SLC16A12: variants seen among roughly 807,000 people sequenced by gnomAD.
SLC16A12 encodes monocarboxylate transporter 12.
Under a neutral mutation model 42.4 loss-of-function variants are expected in SLC16A12, and 17 were observed. The observed-to-expected ratio is 0.40, with a 90% CI of 0.27 to 0.60. The LOEUF is 0.60. SLC16A12 is among the 20% of genes least tolerant of loss of function. The probability of loss-of-function intolerance (pLI) is 0.42; values close to 1 mark genes in which losing one functional copy is unlikely to be tolerated. For missense variants in SLC16A12, 544 were observed against 623.0 expected (o/e 0.87, Z 1.35); for synonymous variants, 224 against 229.4 (o/e 0.98, Z 0.21).
At chr10:89,476,923 C>A (rs935240699) in intron 2 of SLC16A12, among the ~76,000 whole-genome samples, 5 of 152,324 alleles carry the variant, frequency 3.3e-5, no homozygotes, top group Admixed American at 2.6e-4. Context: ...ATTCCACAGG[C>A]CTGTAGAGAT....
At chr10:89,543,022 G>A (rs1208387269) in intron 2 of SLC16A12, among the ~76,000 whole-genome samples, 1 of 152,080 alleles carries the variant, frequency 6.6e-6, no homozygotes, top group Non-Finnish European at 1.5e-5. Context: ...TCTGTCTTCT[G>A]CCTACGGAGA....
At chr10:89,505,765 G>C (rs563046602) in intron 2 of SLC16A12, among the ~76,000 whole-genome samples, 2 of 152,208 alleles carry the variant, frequency 1.3e-5, no homozygotes, top group African/African-American at 2.4e-5. Context: ...GGAAGACCAG[G>C]AGATTCCCTC....
At chr10:89,447,115 C>T (rs1842017024) in intron 3 of SLC16A12, among the ~76,000 whole-genome samples, 1 of 152,150 alleles carries the variant, frequency 6.6e-6, no homozygotes, top group Admixed American at 6.5e-5. Flanking sequence ...AAAGCAAGGA[C>T]TTAGAGACCT....
intron 2 of SLC16A12, among the ~76,000 whole-genome samples, chr10:89,506,635 G>T (rs554099234): frequency 6.6e-6 from 1 of 152,282 alleles, no homozygotes; most frequent in African/African-American, 2.4e-5. Context: ...GCGCAGAAAG[G>T]CTAAAAATTC....
Position 89,436,313 on chromosome 10 carries a change from C to A in SLC16A12, c.1035G>T (p.Leu345=). 1.9e-6 allele frequency: 3 copies of A among 1,614,098 alleles called. No homozygotes were observed. Among genetic ancestry groups the A allele is most frequent in the Non-Finnish European group, 2.5e-6 (3 of 1,179,956 alleles). The part of the protein sequence containing the change: ...TFGWLTDRRC[L]KNYQYVCYLF... ...GGTAGCAAACATACTGGTAATTCTT[C>A]AGACACCTGTAGATTTGAAGAACAA... The change falls in exon 7 of 8, where the codon CTG becomes CTT. Residue 345 remains leucine, a synonymous_variant. Transcript: ENST00000371790.
intron 2 of SLC16A12, among the ~76,000 whole-genome samples, chr10:89,512,975 A>G (rs2133841599): frequency 6.6e-6 from 1 of 152,324 alleles, no homozygotes; most frequent in South Asian, 2.1e-4. Flanking sequence ...CAGGACACCT[A>G]GGTGGTATCT....
At chr10:89,509,939 C>T (rs1265808610) in intron 2 of SLC16A12, among the ~76,000 whole-genome samples, 2 of 152,196 alleles carry the variant, frequency 1.3e-5, no homozygotes, top group African/African-American at 2.4e-5. Context: ...CATTCCTATA[C>T]ACCGATAACA....
intron 3 of SLC16A12, among the ~76,000 whole-genome samples, chr10:89,444,934 C>T (rs1564570525): frequency 6.6e-6 from 1 of 152,264 alleles, no homozygotes; most frequent in African/African-American, 2.4e-5. Context: ...AAATGGCACA[C>T]CAGGAGATTT....
At position 89,433,110 on chromosome 10, in the gene SLC16A12, T is replaced by C. The variant is rs963614684; in HGVS notation, c.1505A>G (p.His502Arg). ...YSVARELDQKHGEPVATAVPG... is the reference protein window; with the variant it reads ...YSVARELDQKRGEPVATAVPG... ...CACTGCTGTAGCCACAGGCTCCCCA[T>C]GTTTCTGATCTAATTCTCTTGCCAC... Residue 502 changes from histidine to arginine, a missense_variant, in exon 8 of 8, where the codon CAT (histidine) becomes CGT (arginine). Physicochemically the swap from His to Arg is conservative, Grantham distance 29. Coordinates refer to ENST00000371790, the MANE Select transcript of SLC16A12 (RefSeq NM_213606.4). 3.1e-6 allele frequency: 5 copies of C among 1,614,184 alleles called. No homozygotes were observed. Among genetic ancestry groups the C allele is most frequent in the Non-Finnish European group, 3.4e-6 (4 of 1,180,022 alleles).
At chr10:89,449,933 T>A (rs1408876310) in intron 3 of SLC16A12, among the ~76,000 whole-genome samples, 2 of 151,902 alleles carry the variant, frequency 1.3e-5, no homozygotes, top group African/African-American at 2.4e-5. Context: ...AACAACCCCA[T>A]CAAAAAGGTG....
At chr10:89,487,900 A>G (rs1313837306) in intron 2 of SLC16A12, among the ~76,000 whole-genome samples, 1 of 147,618 alleles carries the variant, frequency 6.8e-6, no homozygotes, top group East Asian at 2.0e-4. Context: ...CACAATAGTA[A>G]AGTCACAGAA....
intron 6 of SLC16A12, among the ~76,000 whole-genome samples, chr10:89,437,350 T>C (rs1841817934): frequency 6.6e-6 from 1 of 152,192 alleles, no homozygotes; most frequent in Non-Finnish European, 1.5e-5. Context: ...CAGCTTATGC[T>C]TTACAAACAT....
Position 89,534,633 on chromosome 10 carries a change from T to A in SLC16A12, c.-179A>T, listed in dbSNP as rs1457914893. 9.9e-6 allele frequency: 1 copy of A among 101,144 alleles called. No homozygotes were observed. Among genetic ancestry groups the A allele is most frequent in the African/African-American group, 3.9e-5 (1 of 25,342 alleles). The allele number at this position is 101,144 out of a possible 1,614,324, so 6.3% of individuals were successfully genotyped here. A position where few individuals can be genotyped will look rare whatever the true frequency, so the allele number is the denominator to read the frequency against. On this transcript the variant is annotated 5_prime_UTR_variant, in exon 2 of 8. Transcript: ENST00000371790. The stretch of plus-strand genomic sequence containing the variant: ...GAGCAAACCGGCCAATATGTCGAAA[T>A]CCTGTATCTGCAAAAAAAAAAAAAA...
intron 2 of SLC16A12, among the ~76,000 whole-genome samples, chr10:89,528,593 C>T (rs983568976): frequency 6.6e-6 from 1 of 152,030 alleles, no homozygotes; most frequent in Non-Finnish European, 1.5e-5. Context: ...AATGAATGGG[C>T]CCTCTATAGA....
chr10:89,504,700 T>C (rs1843034058), intron 2 of SLC16A12, among the ~76,000 whole-genome samples: 2 of 152,130 alleles, frequency 1.3e-5, no homozygotes. Flanking sequence ...AAAACCTTGG[T>C]GAGTGAACAA....
chr10:89,509,960 C>A (rs1843137704), intron 2 of SLC16A12, among the ~76,000 whole-genome samples: 1 of 152,046 alleles, frequency 6.6e-6, no homozygotes, highest in Non-Finnish European at 1.5e-5. Context: ...GACAGAGAGC[C>A]AATTCGTGAG....
intron 2 of SLC16A12, among the ~76,000 whole-genome samples, chr10:89,552,761 G>C (rs548383254): frequency 6.6e-6 from 1 of 152,304 alleles, no homozygotes; most frequent in African/African-American, 2.4e-5. Context: ...GAGTAAGTGA[G>C]ATGCGAACTA....
At chr10:89,543,259 C>T (rs993820728) in intron 2 of SLC16A12, among the ~76,000 whole-genome samples, 4 of 152,112 alleles carry the variant, frequency 2.6e-5, no homozygotes, top group Non-Finnish European at 4.4e-5. Context: ...TTCAAATTGT[C>T]ATAATAAAAT....
intron 2 of SLC16A12, among the ~76,000 whole-genome samples, chr10:89,520,006 G>A (rs555813301): frequency 5.3e-5 from 8 of 151,546 alleles, no homozygotes; most frequent in Non-Finnish European, 7.4e-5. Flanking sequence ...CCAGCTACTC[G>A]GGAGGCTGAG....
Sources: gnomAD v4.1 joint callset for allele counts (sites outside exome capture counted in the v4.1 genomes callset) on GRCh38, gnomAD v4.1.1 for gene constraint, MANE v1.5 for transcripts, NCBI Gene and HGNC (gene_info 2026-07-23, HGNC 2026-07-21) for gene names.